SLC8A2: variants seen among roughly 807,000 people sequenced by gnomAD.
SLC8A2 encodes the protein sodium/calcium exchanger 2.
SLC8A2 carries 14 observed loss-of-function variants against 70.2 expected under a neutral mutation model. The observed-to-expected ratio is 0.20, with a 90% confidence interval of 0.13 to 0.31. The LOEUF (loss-of-function observed/expected upper bound fraction) is 0.31. Ranked by LOEUF, SLC8A2 falls within the 10% of genes least tolerant of loss-of-function variation. The pLI is 1.00. For synonymous variants in SLC8A2, 575 were observed against 594.3 expected, an observed-to-expected ratio of 0.97 and a Z score of 0.47; for missense variants, 779 against 1,320.1, an observed-to-expected ratio of 0.59 and a Z score of 6.35.
chr19:47,432,481 G>C lies in SLC8A2; in HGVS notation c.2111-36C>G. ...ACGACCCAGCTGGGGCATACACTCAGACTTCCTTCCTTGCCTACAGAGGCC... is the reference window on the plus strand; with the variant it reads ...ACGACCCAGCTGGGGCATACACTCACACTTCCTTCCTTGCCTACAGAGGCC... On this transcript the variant is annotated intron_variant, in intron 8 of 9. Coordinates refer to ENST00000236877, the MANE Select transcript of SLC8A2 (RefSeq NM_015063.3). The surrounding 1 kb of genome is among the most constrained non-coding windows in gnomAD (Gnocchi z 6.2). 1.3e-6 allele frequency: 2 copies of C among 1,532,160 alleles called. No homozygotes were observed. 94.9% of individuals were successfully genotyped at this position (1,532,160 alleles called of 1,614,324 possible). A position where few individuals can be genotyped will look rare whatever the true frequency, so the allele number is the denominator to read the frequency against.
intron 4 of SLC8A2, among the ~76,000 whole-genome samples, chr19:47,441,820 T>C (rs1332558331): frequency 1.3e-5 from 2 of 152,038 alleles, no homozygotes; most frequent in African/African-American, 4.8e-5. Context: ...TTTTAAAAAA[T>C]AGGCCGGGCA....
Position 47,466,303 on chromosome 19 carries a change from T to G in SLC8A2, c.101A>C (p.Asn34Thr). Residue 34 changes from asparagine (N) to threonine (T), a missense_variant, in exon 2 of 10, where the codon AAT becomes ACT. Coordinates refer to ENST00000236877, the MANE Select transcript of SLC8A2 (RefSeq NM_015063.3). This position sits in a 1 kb window ranked among gnomAD's most constrained non-coding sequence, Gnocchi z 6.9. ...GCCCCCTGTGCTGGTGTCGCTGTCATTGGCCGGGGGAGGCGGCAGGGAGGG... is the reference window on the plus strand; with the variant it reads ...GCCCCCTGTGCTGGTGTCGCTGTCAGTGGCCGGGGGAGGCGGCAGGGAGGG... ...PTPSLPPPPA[N>T]DSDTSTGGCQ... 6.6e-7 allele frequency: 1 copy of G among 1,508,584 alleles called. No individual in the cohort carries two copies. The highest frequency in any genetic ancestry group is 8.9e-7 in the Non-Finnish European group (1 of 1,124,750). 93.4% of individuals were successfully genotyped at this position (1,508,584 alleles called of 1,614,324 possible).
At chr19:47,462,670 C>G (rs1460820344) in intron 2 of SLC8A2, among the ~76,000 whole-genome samples, 1 of 150,438 alleles carries the variant, frequency 6.6e-6, no homozygotes, top group Non-Finnish European at 1.5e-5. Flanking sequence ...TCACTGCAAA[C>G]TTCACCTCCC....
intron 2 of SLC8A2, among the ~76,000 whole-genome samples, chr19:47,459,661 CTGTGTGTGTGCATG>C (rs1172340409): frequency 2.7e-5 from 4 of 149,520 alleles, no homozygotes; most frequent in Non-Finnish European, 5.9e-5. Context: ...GTGTGTCCTT[CTGTGTGTGTGCATG>C]TGTGTGTGTG....
intron 2 of SLC8A2, among the ~76,000 whole-genome samples, chr19:47,458,141 GTC>G (rs1967338240): frequency 6.6e-6 from 1 of 151,716 alleles, no homozygotes; most frequent in Non-Finnish European, 1.5e-5. Context: ...CGTGAGCCCT[GTC>G]TCTTTGTTCA....
At chr19:47,464,823 C>T in intron 2 of SLC8A2, among the ~76,000 whole-genome samples, 1 of 152,164 alleles carries the variant, frequency 6.6e-6, no homozygotes. Context: ...ATGTAGGAGG[C>T]AGTCACGGGG....
rs1966975528 is a variant in SLC8A2 at position 47,432,393 on chromosome 19, G to A, written c.2163C>T (p.Cys721=). 1.2e-6 allele frequency: 2 copies of A among 1,612,362 alleles called. No individual in the cohort carries two copies. The highest frequency in any genetic ancestry group is 1.7e-6 in the Non-Finnish European group (2 of 1,179,158). The change falls in exon 9 of 10, where the codon TGC becomes TGT. Residue 721 remains cysteine (C), a synonymous_variant. Transcript: ENST00000236877. This position sits in a 1 kb window ranked among gnomAD's most constrained non-coding sequence, Gnocchi z 6.2. The part of the protein sequence containing the change: ...DGSREERLPS[C]FDYVMHFLTV... ...TCAGGAAGTGCATCACGTAGTCAAA[G>A]CACGACGGCAGCCGCTCCTCCCGGG...
At chr19:47,453,393 G>C (rs1460547724) in intron 3 of SLC8A2, among the ~76,000 whole-genome samples, 1 of 152,212 alleles carries the variant, frequency 6.6e-6, no homozygotes, top group African/African-American at 2.4e-5. Flanking sequence ...CTCAGACTGA[G>C]GCAGGAACTT....
chr19:47,450,131 A>C (rs1599852515), intron 3 of SLC8A2, among the ~76,000 whole-genome samples: 1 of 151,874 alleles, frequency 6.6e-6, no homozygotes, highest in Non-Finnish European at 1.5e-5. Context: ...AAAATCTATC[A>C]TTTCCCCCAA....
Position 47,429,953 on chromosome 19 carries a change from AG to A in SLC8A2, c.*135del, listed in dbSNP as rs968753631. On this transcript the variant is annotated 3_prime_UTR_variant, in exon 10 of 10. Transcript: ENST00000236877. ...AGAACAGGGCAATCAAAGCCAGGGG[AG>A]GGGGCGGAGAAGGGAGGCCGAGTCC... 22 of 784,146 alleles carry A rather than the reference AG, an allele frequency of 2.8e-5. No individual in the cohort carries two copies. The African/African-American group carries it at 4.3e-4, about 15-fold the overall frequency. The allele number at this position is 784,146 out of a possible 1,614,324, so 48.6% of individuals were successfully genotyped here.
intron 2 of SLC8A2, among the ~76,000 whole-genome samples, chr19:47,461,179 ACT>A (rs1027757177): frequency 3.5e-5 from 5 of 141,178 alleles, no homozygotes; most frequent in Admixed American, 1.5e-4. Flanking sequence ...ACCGAGCGAG[ACT>A]CTGTTTCAAA....
chr19:47,446,593 A>G (rs1967165588), intron 4 of SLC8A2, among the ~76,000 whole-genome samples: 1 of 152,106 alleles, frequency 6.6e-6, no homozygotes, highest in Non-Finnish European at 1.5e-5. Context: ...ATGCCCAGCT[A>G]ATTTTAAACA....
chr19:47,452,423 AGAGAGAGAGAGAGAGAGAGAGAGT>A (rs1967248829), intron 3 of SLC8A2, among the ~76,000 whole-genome samples: 20 of 118,368 alleles, frequency 1.7e-4, no homozygotes, highest in African/African-American at 5.6e-4. Flanking sequence ...AGAGAGAGAG[AGAGAGAGAGAGAGAGAGAGAGAGT>A]GTGTGTGTGT....
At chr19:47,464,322 G>A (rs1967432248) in intron 2 of SLC8A2, among the ~76,000 whole-genome samples, 1 of 152,056 alleles carries the variant, frequency 6.6e-6, no homozygotes, top group African/African-American at 2.4e-5. Flanking sequence ...ATGTTGGCCA[G>A]GCTGGTCTCG....
Position 47,465,634 on chromosome 19 carries a change from T to C in SLC8A2, c.675+95A>G, listed in dbSNP as rs1053358700. 3 of 1,091,932 alleles carry C rather than the reference T, an allele frequency of 2.7e-6. No homozygotes were observed. The highest frequency in any genetic ancestry group is 3.9e-6 in the Non-Finnish European group (3 of 766,410). 67.6% of individuals were successfully genotyped at this position (1,091,932 alleles called of 1,614,324 possible). On this transcript the variant is annotated intron_variant, in intron 2 of 9. Coordinates refer to ENST00000236877, the MANE Select transcript of SLC8A2 (RefSeq NM_015063.3). The surrounding 1 kb of genome is among the most constrained non-coding windows in gnomAD (Gnocchi z 5.5). ...CCTCTCAGATGTGAGTGTGCATTTC[T>C]GCAAATACAGCAATCAACACTCCAA...
In SLC8A2 at chr19:47,457,440, G is replaced by A. The variant is rs1967321381; in HGVS notation, c.830C>T (p.Pro277Leu). Residue 277 changes from proline to leucine, a missense_variant, in exon 3 of 10, where the codon CCG becomes CTG. Transcript: ENST00000236877. ...CGTGCCGTCCAGCTCGATGCTCTTC[G>A]GGGGGTCGCCCTCGGCGCCTATGAT... ...GIIIGAEGDP[P>L]KSIELDGTFV... 6.2e-7 allele frequency: 1 copy of A among 1,604,136 alleles called. No individual in the cohort carries two copies.
At chr19:47,459,813 G>A (rs367571639) in intron 2 of SLC8A2, among the ~76,000 whole-genome samples, 1 of 152,158 alleles carries the variant, frequency 6.6e-6, no homozygotes, top group East Asian at 1.9e-4. Flanking sequence ...GCACATGTGT[G>A]TATGTGTTCT....
intron 8 of SLC8A2, among the ~76,000 whole-genome samples, chr19:47,436,326 C>T (rs575190833): frequency 1.3e-4 from 20 of 152,320 alleles, no homozygotes; most frequent in African/African-American, 4.6e-4. Context: ...TGTGACATGT[C>T]TGTCTCCTGC....
chr19:47,453,215 TAGAAAA>T (rs1250177813), intron 3 of SLC8A2, among the ~76,000 whole-genome samples: 3 of 152,312 alleles, frequency 2.0e-5, no homozygotes, highest in South Asian at 2.1e-4. Flanking sequence ...GTGGGAAACT[TAGAAAA>T]AGAAAAAGGC....
Sources: gnomAD v4.1 joint callset for allele counts (sites outside exome capture counted in the v4.1 genomes callset) on GRCh38, gnomAD v4.1.1 for gene constraint, Gnocchi (gnomAD v3.1) non-coding constraint, MANE v1.5 for transcripts, NCBI Gene and HGNC (gene_info 2026-07-23, HGNC 2026-07-21) for gene names.